The following FRMD1 variants were observed in gnomAD, a reference collection of about 807,000 sequenced individuals.
The protein encoded by FRMD1 is FERM domain-containing protein 1.
In FRMD1, 51 loss-of-function variants were observed where a neutral mutation model predicts 54.9. That is an observed-to-expected ratio of 0.93 (90% CI 0.74 to 1.17). FRMD1 has a LOEUF of 1.17. FRMD1 is among the 50% of genes most tolerant of loss of function. The pLI is 0.00. For synonymous variants in FRMD1, 324 were observed against 306.4 expected, an observed-to-expected ratio of 1.06 and a Z score of -0.60; for missense variants, 729 against 743.0, an observed-to-expected ratio of 0.98 and a Z score of 0.22.
chr6:168,072,509 A>G (rs760839201), intron 2 of FRMD1, among the ~76,000 whole-genome samples: 2 of 152,222 alleles, frequency 1.3e-5, no homozygotes, highest in Non-Finnish European at 2.9e-5. Flanking sequence ...GAGAGCAGGG[A>G]AGCCTCAGTG....
chr6:168,081,624 G>A (rs2115026612), upstream of FRMD1: 5 of 1,087,954 alleles, frequency 4.6e-6, no homozygotes, highest in Non-Finnish European at 5.0e-6. Context: ...CACAGGTTTT[G>A]GAAAACAATG....
At position 168,063,714 on chromosome 6, in the gene FRMD1, G is replaced by A; in HGVS notation, c.691C>T (p.Pro231Ser). Reference sequence around the variant, plus strand: ...CCCTGGCGCTCACGGTGCAGGGTAGGCATGTGCCGGAGGATGTAGTCAATC... The same window carrying A: ...CCCTGGCGCTCACGGTGCAGGGTAGACATGTGCCGGAGGATGTAGTCAATC... ...RGIDYILRHMPTLHRERQGLS... is the reference protein window; with the variant it reads ...RGIDYILRHMSTLHRERQGLS... Residue 231 changes from proline (P) to serine (S), a missense_variant, in exon 6 of 11, where the codon CCT (proline) becomes TCT (serine). Transcript: ENST00000283309. 6.2e-7 allele frequency: 1 copy of A among 1,613,746 alleles called. No individual in the cohort carries two copies. The highest frequency in any genetic ancestry group is 8.5e-7 in the Non-Finnish European group (1 of 1,179,760).
rs185355194 is a variant in FRMD1 at position 168,091,116 on chromosome 6, G to A, written c.-12+10309C>T. 2.5e-4 allele frequency among the ~76,000 whole-genome samples: 38 copies of A among 152,344 alleles called. 1 individual carries two copies. Among genetic ancestry groups the A allele is most frequent in the Admixed American group, 1.3e-4 (2 of 15,308 alleles). ...ATGAATGTGAACTGCAAACTTTTCAGAGCTTAGTGCAAAAAGACAAAAGAT... is the reference window on the plus strand; with the variant it reads ...ATGAATGTGAACTGCAAACTTTTCAAAGCTTAGTGCAAAAAGACAAAAGAT... On this transcript the variant is annotated intron_variant, in intron 1 of 12. Transcript: ENST00000644440.
chr6:168,071,363 C>G (rs966757126), intron 2 of FRMD1, among the ~76,000 whole-genome samples: 1 of 152,232 alleles, frequency 6.6e-6, no homozygotes, highest in Non-Finnish European at 1.5e-5. Context: ...GAAATCCAAG[C>G]ACTTCCCGTA....
chr6:168,065,129 T>A, intron 4 of FRMD1, 72 bp from the exon 5 acceptor site: 1 of 1,516,818 alleles, frequency 6.6e-7, no homozygotes, highest in Non-Finnish European at 8.8e-7. Flanking sequence ...CCCTGCCTTG[T>A]CCCTCCCCAC....
Position 168,079,081 on chromosome 6 carries a change from G to T in FRMD1, c.14C>A (p.Pro5Gln). The T allele has an allele frequency of 6.2e-7, 1 of 1,604,002 alleles. No individual in the cohort carries two copies. Among genetic ancestry groups the T allele is most frequent in the Non-Finnish European group, 8.5e-7 (1 of 1,178,424 alleles). MAVP[P>Q]RGRGIDPART... ...GGCGGGGTCTATGCCCCTCCCTCTCGGGGGCACCGCCATGCTGTCGTTACT... is the reference window on the plus strand; with the variant it reads ...GGCGGGGTCTATGCCCCTCCCTCTCTGGGGCACCGCCATGCTGTCGTTACT... Residue 5 changes from proline (P) to glutamine (Q), a missense_variant, in exon 1 of 11, where the codon CCG (proline) becomes CAG (glutamine). Physicochemically the swap from Pro to Gln is moderately conservative, Grantham distance 76. Transcript: ENST00000283309.
At position 168,053,269 on chromosome 6, in the gene FRMD1, C is replaced by T. The variant is rs1799320386; in HGVS notation, c.*3828G>A. On this transcript the variant is annotated 3_prime_UTR_variant, in exon 11 of 11. Transcript: ENST00000283309. ...GGCACCTGGAAGGCAGCCTCCCCATCACAGCTCGCCGCCGTGAGAACGGTC... is the reference window on the plus strand; with the variant it reads ...GGCACCTGGAAGGCAGCCTCCCCATTACAGCTCGCCGCCGTGAGAACGGTC... 3 of 152,276 alleles carry T rather than the reference C, an allele frequency of 2.0e-5. No individual in the cohort carries two copies. Among genetic ancestry groups the T allele is most frequent in the African/African-American group, 7.2e-5 (3 of 41,464 alleles). 9.4% of individuals were successfully genotyped at this position (152,276 alleles called of 1,614,324 possible).
At chr6:168,075,710 C>T in intron 1 of FRMD1, 1 of 1,498,110 alleles carries the variant, frequency 6.7e-7, no homozygotes, top group East Asian at 2.5e-5. Context: ...ATGCTTGGTT[C>T]CCCATGAGCG....
rs750437477 is a variant in FRMD1 at position 168,059,221 on chromosome 6, C to G, written c.1343-33G>C. On this transcript the variant is annotated intron_variant, in intron 9 of 10. Coordinates refer to ENST00000283309, the MANE Select transcript of FRMD1 (RefSeq NM_024919.6). The surrounding 1 kb of genome is among the most constrained non-coding windows in gnomAD (Gnocchi z 4.4). ...AGGAGGCAGCCGTGAGCACAGGTGT[C>G]TGGGTTCTGCCCGACATGGCTCCTC... is the stretch of plus-strand genomic sequence containing the variant. 10 of 1,549,954 alleles carry G rather than the reference C, an allele frequency of 6.5e-6. No homozygotes were observed. Among genetic ancestry groups the G allele is most frequent in the Middle Eastern group, 2.0e-4 (1 of 5,118 alleles).
chr6:168,075,586 C>A (rs1800550639), intron 1 of FRMD1, among the ~76,000 whole-genome samples: 1 of 152,172 alleles, frequency 6.6e-6, no homozygotes. Flanking sequence ...GGGCTGCCCC[C>A]TCCATCCCTG....
intron 2 of FRMD1, among the ~76,000 whole-genome samples, chr6:168,072,816 C>G (rs1288515514): frequency 6.6e-6 from 1 of 152,144 alleles, no homozygotes; most frequent in African/African-American, 2.4e-5. Context: ...GACTAATTTT[C>G]TTTTCATTTC....
chr6:168,066,544 G>A, intron 4 of FRMD1: 1 of 1,286,462 alleles, frequency 7.8e-7, no homozygotes, highest in South Asian at 2.8e-5. Flanking sequence ...AGAAAAAGAA[G>A]TACCAATTTA....
At chr6:168,072,692 C>T (rs1003826071) in intron 2 of FRMD1, among the ~76,000 whole-genome samples, 7 of 152,356 alleles carry the variant, frequency 4.6e-5, no homozygotes, top group African/African-American at 9.6e-5. Context: ...CCCCCAATCC[C>T]CACCCCGCCC....
At chr6:168,065,998 T>C (rs1162865961) in intron 4 of FRMD1, 1 of 1,000,108 alleles carries the variant, frequency 1.0e-6, no homozygotes, top group Non-Finnish European at 1.2e-6. Context: ...GCAGCCCCCG[T>C]TGGTTTAGAG....
At chr6:168,066,126 G>C (rs909330242) in intron 4 of FRMD1, 1 of 989,838 alleles carries the variant, frequency 1.0e-6, no homozygotes, top group Non-Finnish European at 1.2e-6. Flanking sequence ...GCAGCCCTTA[G>C]CCCAGCGACC....
chr6:168,085,855 C>T (rs1307545006), upstream of FRMD1, among the ~76,000 whole-genome samples: 7 of 152,212 alleles, frequency 4.6e-5, no homozygotes, highest in African/African-American at 1.2e-4. Context: ...GGCTCCCTAT[C>T]GCCCAGCCAC....
rs762290438 is a variant in FRMD1, at chr6:168,061,877, G to C, written c.975C>G (p.Arg325=). The change falls in exon 8 of 11, where the codon CGC becomes CGG. Residue 325 remains arginine (R), a synonymous_variant. Transcript: ENST00000283309. ...WRSRHLLHLL[R]ASHQLHLRVR... ...CGCGGAGGTGGAGCTGGTGGCTGGC[G>C]CGCAGCAGGTGCAGCAGGTGCCTGG... 6.3e-7 allele frequency: 1 copy of C among 1,588,478 alleles called. No individual in the cohort carries two copies. The highest frequency in any genetic ancestry group is 8.6e-7 in the Non-Finnish European group (1 of 1,169,030).
At chr6:168,085,389 C>T (rs1800900191), upstream of FRMD1, among the ~76,000 whole-genome samples, 2 of 152,222 alleles carry the variant, frequency 1.3e-5, no homozygotes, top group African/African-American at 4.8e-5. Context: ...GGGAGGGAGA[C>T]CTTGTGGCGG....
Position 168,079,100 on chromosome 6 carries a change from C to G in FRMD1, c.-6G>C, listed in dbSNP as rs375754178. ...CCTCTCGGGGGCACCGCCATGCTGT[C>G]GTTACTCGGCCCTCCCCCGCCATGG... On this transcript the variant is annotated 5_prime_UTR_variant, in exon 1 of 11. Transcript: ENST00000283309. The G allele has an allele frequency of 1.3e-5, 20 of 1,592,186 alleles. No individual in the cohort carries two copies. The African/African-American group carries it at 2.7e-4, about 21-fold the overall frequency.
Sources: gnomAD v4.1 joint callset for allele counts (sites outside exome capture counted in the v4.1 genomes callset) on GRCh38, gnomAD v4.1.1 for gene constraint, Gnocchi (gnomAD v3.1) non-coding constraint, MANE v1.5 for transcripts, NCBI Gene and HGNC (gene_info 2026-07-23, HGNC 2026-07-21) for gene names.